The following ZNF292 variants were observed in gnomAD, a reference collection of about 807,000 sequenced individuals.
ZNF292 encodes the protein zinc finger protein 292.
A neutral mutation model predicts 217.9 loss-of-function variants in ZNF292; 26 were observed. The ratio of observed to expected loss-of-function variants is 0.12; its 90% CI spans 0.09 to 0.17. The LOEUF (loss-of-function observed/expected upper bound fraction) is 0.17. Ranked by LOEUF, ZNF292 falls within the 10% of genes least tolerant of loss-of-function variation. The pLI, the probability that ZNF292 is intolerant of heterozygous loss-of-function variation, is 1.00. For missense variants in ZNF292, 2,904 were observed against 3,175.2 expected, an observed-to-expected ratio of 0.91 and a Z score of 2.05; for synonymous variants, 1,257 against 1,124.1, an observed-to-expected ratio of 1.12 and a Z score of -2.37.
Position 87,243,611 on chromosome 6 carries a change from G to C in ZNF292, c.878G>C (p.Trp293Ser). The change falls in exon 6 of 8, where the codon TGG becomes TCG. Residue 293 changes from tryptophan to serine, a missense_variant and splice_region_variant. Physicochemically the swap from Trp to Ser is radical, Grantham distance 177. Coordinates refer to ENST00000369577, the MANE Select transcript of ZNF292 (RefSeq NM_015021.3). The stretch of plus-strand genomic sequence containing the variant: ...CAACAAGGAGATATGTACTGCGCTT[G>C]GTGAGTTGATCTTTTTTTTTTTAAA... ...QLQQGDMYCA[W>S]ELTLFWSKLQ... 1 of 1,467,688 alleles carries C rather than the reference G, an allele frequency of 6.8e-7. No individual in the cohort carries two copies. Among genetic ancestry groups the C allele is most frequent in the Non-Finnish European group, 9.0e-7 (1 of 1,110,454 alleles). 90.9% of individuals were successfully genotyped at this position (1,467,688 alleles called of 1,614,324 possible). A position where few individuals can be genotyped will look rare whatever the true frequency, so the allele number is the denominator to read the frequency against.
chr6:87,243,148 G>A (rs1469194198), intron 5 of ZNF292, among the ~76,000 whole-genome samples: 1 of 151,872 alleles, frequency 6.6e-6, no homozygotes, highest in Admixed American at 6.6e-5. Context: ...CTGATTTAAT[G>A]GGTAGAGATT....
chr6:87,185,226 A>T (rs960209275), intron 1 of ZNF292, among the ~76,000 whole-genome samples: 1 of 152,206 alleles, frequency 6.6e-6, no homozygotes, highest in African/African-American at 2.4e-5. Flanking sequence ...AACTCATATG[A>T]TGCAAATGTC....
intron 7 of ZNF292, among the ~76,000 whole-genome samples, chr6:87,248,108 A>G (rs1774699791): frequency 2.0e-5 from 3 of 152,206 alleles, no homozygotes; most frequent in Admixed American, 1.3e-4. Flanking sequence ...TACATAGGAA[A>G]CACCTTCCAA....
At chr6:87,169,783 A>G (rs1342811552) in intron 1 of ZNF292, 3 of 390,292 alleles carry the variant, frequency 7.7e-6, no homozygotes, top group South Asian at 5.4e-5. Context: ...GATAGCTGGG[A>G]CTACAGATGT....
At chr6:87,205,539 G>C (rs1340427939) in intron 1 of ZNF292, among the ~76,000 whole-genome samples, 1 of 151,424 alleles carries the variant, frequency 6.6e-6, no homozygotes, top group African/African-American at 2.4e-5. Flanking sequence ...ATTTTATTCA[G>C]ATTTTTAAGT....
At chr6:87,169,685 C>A in intron 1 of ZNF292, 1 of 440,932 alleles carries the variant, frequency 2.3e-6, no homozygotes, top group South Asian at 1.6e-5. Flanking sequence ...GTCTCACTGT[C>A]ACCCAGGCTG....
rs2127824346 is a variant in ZNF292, at chr6:87,233,322, A to T, written c.539-3A>T. 1 of 1,598,802 alleles carries T rather than the reference A, an allele frequency of 6.3e-7. No individual in the cohort carries two copies. The highest frequency in any genetic ancestry group is 8.5e-7 in the Non-Finnish European group (1 of 1,170,768). On this transcript the variant is annotated splice_region_variant and splice_polypyrimidine_tract_variant and intron_variant, in intron 4 of 7. Transcript: ENST00000369577. ...ATAATCTATTATGTCTTGTTTTTTA[A>T]AGTGAATGAATTTTTAGCTTTTGAG...
intron 1 of ZNF292, among the ~76,000 whole-genome samples, chr6:87,164,018 C>T (rs1486544297): frequency 1.3e-5 from 2 of 152,204 alleles, no homozygotes; most frequent in African/African-American, 2.4e-5. Flanking sequence ...CAGAATGTTA[C>T]AACCCTTGTT....
At chr6:87,207,444 A>G (rs924821520) in intron 1 of ZNF292, among the ~76,000 whole-genome samples, 2 of 152,104 alleles carry the variant, frequency 1.3e-5, no homozygotes, top group Non-Finnish European at 2.9e-5. Context: ...TAAAATTTCA[A>G]GTTTGTAGTT....
At chr6:87,185,509 T>A (rs1771618415) in intron 1 of ZNF292, among the ~76,000 whole-genome samples, 1 of 152,244 alleles carries the variant, frequency 6.6e-6, no homozygotes, top group Non-Finnish European at 1.5e-5. Context: ...AGAGGAGGTC[T>A]TGCCCTGTAA....
chr6:87,209,499 G>A (rs917911351), intron 1 of ZNF292, among the ~76,000 whole-genome samples: 1 of 152,118 alleles, frequency 6.6e-6, no homozygotes, highest in Non-Finnish European at 1.5e-5. Flanking sequence ...GCTCCTCAGC[G>A]GGTTTAGAAG....
At chr6:87,158,201 A>G (rs1407278334) in intron 1 of ZNF292, among the ~76,000 whole-genome samples, 2 of 152,252 alleles carry the variant, frequency 1.3e-5, no homozygotes. Flanking sequence ...TATTTCATAC[A>G]CTGTAAGCTC....
rs527822958 is a variant in ZNF292 at position 87,255,315 on chromosome 6, A to G, written c.1686A>G (p.Lys562=). 3.7e-6 allele frequency: 6 copies of G among 1,613,776 alleles called. No individual in the cohort carries two copies. The African/African-American group carries it at 4.0e-5, about 11-fold the overall frequency. The change falls in exon 8 of 8, where the codon AAA becomes AAG. Residue 562 remains lysine, a synonymous_variant. Transcript: ENST00000369577. Reference sequence around the variant, plus strand: ...ACAGAATAGTACGACATGCTCAGAAACATTACAAAGATGGAATTTATAGTT... The same window carrying G: ...ACAGAATAGTACGACATGCTCAGAAGCATTACAAAGATGGAATTTATAGTT... ...LGHRIVRHAQ[K]HYKDGIYSCP... is the part of the protein sequence containing the mutation.
chr6:87,175,297 A>G (rs1771247123), intron 1 of ZNF292, among the ~76,000 whole-genome samples: 1 of 151,994 alleles, frequency 6.6e-6, no homozygotes, highest in Non-Finnish European at 1.5e-5. Flanking sequence ...TGCCTTCATT[A>G]CTTTTTCATT....
chr6:87,181,238 A>G (rs900946645), intron 1 of ZNF292, among the ~76,000 whole-genome samples: 30 of 152,246 alleles, frequency 2.0e-4, no homozygotes, highest in African/African-American at 5.3e-4. Context: ...GGATGAGTGC[A>G]AGATTTTACT....
At chr6:87,168,339 G>A (rs1205358868) in intron 1 of ZNF292, among the ~76,000 whole-genome samples, 1 of 152,154 alleles carries the variant, frequency 6.6e-6, no homozygotes, top group Admixed American at 6.5e-5. Context: ...GAAGACTGAG[G>A]CATATGGTTA....
At chr6:87,210,473 T>A (rs1772436972) in intron 1 of ZNF292, among the ~76,000 whole-genome samples, 1 of 151,628 alleles carries the variant, frequency 6.6e-6, no homozygotes, top group Non-Finnish European at 1.5e-5. Flanking sequence ...ACACACACTA[T>A]AGAGCAGATG....
chr6:87,218,752 G>A (rs1562149027), intron 4 of ZNF292, 21 bp downstream of exon 4: 4 of 1,543,942 alleles, frequency 2.6e-6, no homozygotes, highest in Admixed American at 4.5e-5. Context: ...GAGAGACAGA[G>A]AAAAAAAAGA....
rs11558389 is a variant in ZNF292, at chr6:87,261,658, T to A, written c.8029T>A (p.Cys2677Ser). 5.0e-6 allele frequency: 8 copies of A among 1,612,482 alleles called. No individual in the cohort carries two copies. Among genetic ancestry groups the A allele is most frequent in the Non-Finnish European group, 6.8e-6 (8 of 1,179,208 alleles). Residue 2677 changes from cysteine to serine, a missense_variant, in exon 8 of 8, where the codon TGC (cysteine) becomes AGC (serine). Physicochemically the swap from Cys to Ser is moderately radical, Grantham distance 112. Coordinates refer to ENST00000369577, the MANE Select transcript of ZNF292 (RefSeq NM_015021.3). ...TGTTTTAGACAAGAATCTTAAAGAT[T>A]GCACTGAGCTTGTCTTAAAGCAACT... ...KIVLDKNLKDCTELVLKQLQE... is the reference protein window; with the variant it reads ...KIVLDKNLKDSTELVLKQLQE...
Sources: gnomAD v4.1 joint callset for allele counts (sites outside exome capture counted in the v4.1 genomes callset) on GRCh38, gnomAD v4.1.1 for gene constraint, MANE v1.5 for transcripts, NCBI Gene and HGNC (gene_info 2026-07-23, HGNC 2026-07-21) for gene names.